USP9Y: variants seen among roughly 807,000 people sequenced by gnomAD.
USP9Y encodes the protein ubiquitin specific peptidase 9 Y-linked.
In USP9Y, 41 loss-of-function variants were observed where a neutral mutation model predicts 53.1. The ratio of observed to expected loss-of-function variants is 0.77; its 90% CI spans 0.60 to 1.00. USP9Y has a LOEUF of 1.00. Among genes scored for constraint, USP9Y ranks in the 50% least tolerant of loss-of-function variants. USP9Y has a pLI of 0.00. For synonymous variants in USP9Y, 220 were observed against 173.7 expected (o/e 1.27, Z -2.09); for missense variants, 567 against 535.8 (o/e 1.06, Z -0.58).
chrY:12,730,376 T>C (rs2053446208), intron 7 of USP9Y, among the ~76,000 whole-genome samples: 1 of 33,296 alleles, frequency 3.0e-5, no homozygotes, highest in Non-Finnish European at 7.4e-5. Flanking sequence ...TTTATGATCA[T>C]ATAACATCCT....
At chrY:12,802,573 C>T (rs781021995) in intron 27 of USP9Y, 2 of 33,535 alleles carry the variant, frequency 6.0e-5, no homozygotes, top group African/African-American at 2.3e-4. Flanking sequence ...GGGAGTTATT[C>T]TCTGTTGATC....
chrY:12,741,314 A>T, intron 12 of USP9Y, among the ~76,000 whole-genome samples: 1 of 33,678 alleles, frequency 3.0e-5, no homozygotes, highest in African/African-American at 1.2e-4. Flanking sequence ...TAAATCTGGC[A>T]GTTCTTACAC....
At chrY:12,820,197 T>C (rs2053540074) in intron 33 of USP9Y, among the ~76,000 whole-genome samples, 2 of 33,775 alleles carry the variant, frequency 5.9e-5, no homozygotes, top group Non-Finnish European at 1.5e-4. Context: ...AGGCCTACTT[T>C]GTGTTATACA....
intron 32 of USP9Y, 23 bp from the exon 33 acceptor site, chrY:12,818,397 C>T: frequency 2.6e-6 from 1 of 380,647 alleles, no homozygotes; most frequent in Non-Finnish European, 3.7e-6. Flanking sequence ...ATTAGCTCAT[C>T]AATAATGTCT....
intron 1 of USP9Y, among the ~76,000 whole-genome samples, chrY:12,703,171 TGCCTCAGCCTCCTGAGGAGC>T (rs2053417422): frequency 3.0e-5 from 1 of 32,966 alleles, no homozygotes; most frequent in Non-Finnish European, 7.4e-5. Context: ...GCCATTATCC[TGCCTCAGCCTCCTGAGGAGC>T]TGGGACTACA....
intron 27 of USP9Y, chrY:12,802,013 A>T (rs2053519675): frequency 2.9e-5 from 1 of 34,209 alleles, no homozygotes; most frequent in Non-Finnish European, 7.3e-5. Context: ...CTTTTAACAC[A>T]GATTCTATCC....
chrY:12,711,786 A>G, intron 3 of USP9Y, among the ~76,000 whole-genome samples: 1 of 31,758 alleles, frequency 3.1e-5, no homozygotes, highest in African/African-American at 1.2e-4. Context: ...GTGCGACACC[A>G]CACCTAATTT....
At chrY:12,833,570 T>C in intron 33 of USP9Y, 118 bp from the exon 34 acceptor site, 1 of 231,497 alleles carries the variant, frequency 4.3e-6, no homozygotes, top group Non-Finnish European at 7.3e-6. Context: ...TGTGCGTTTC[T>C]CCTTTCTATG....
At chrY:12,750,978 CTATTTTT>C (rs2053463788) in intron 12 of USP9Y, among the ~76,000 whole-genome samples, 6 of 31,863 alleles carry the variant, frequency 1.9e-4, no homozygotes, top group Non-Finnish European at 3.8e-4. Context: ...GGTATTGACA[CTATTTTT>C]TATTTTTTAT....
chrY:12,855,963 AAAAG>A (rs2053575800), intron 42 of USP9Y, among the ~76,000 whole-genome samples: 1 of 32,262 alleles, frequency 3.1e-5, no homozygotes, highest in African/African-American at 1.2e-4. Flanking sequence ...TCTTAAAAAA[AAAAG>A]AAAGAAAGAA....
intron 33 of USP9Y, among the ~76,000 whole-genome samples, chrY:12,833,239 G>A (rs1005550847): frequency 9.1e-5 from 3 of 32,911 alleles, no homozygotes; most frequent in Non-Finnish European, 2.2e-4. Context: ...ACTCTAGAAC[G>A]GGGAAACCTT....
At chrY:12,766,983 A>G in intron 15 of USP9Y, among the ~76,000 whole-genome samples, 1 of 33,584 alleles carries the variant, frequency 3.0e-5, no homozygotes. Flanking sequence ...GAGAAAATGT[A>G]CGCAGACACA....
At chrY:12,744,450 A>G in intron 12 of USP9Y, among the ~76,000 whole-genome samples, 2 of 33,852 alleles carry the variant, frequency 5.9e-5, no homozygotes, top group African/African-American at 2.3e-4. Flanking sequence ...ACCTATGTGC[A>G]GGTGCAGCCT....
At chrY:12,769,041 G>GA (rs370013465) in intron 15 of USP9Y, among the ~76,000 whole-genome samples, 6 of 29,659 alleles carry the variant, frequency 2.0e-4, no homozygotes, top group African/African-American at 5.2e-4. Context: ...TCCCCCTCAA[G>GA]AAAAAAAAAA....
At chrY:12,756,423 G>T (rs961378387) in intron 12 of USP9Y, among the ~76,000 whole-genome samples, 2 of 32,740 alleles carry the variant, frequency 6.1e-5, no homozygotes, top group Admixed American at 5.6e-4. Flanking sequence ...ACTAATGTTG[G>T]CAGGTTGCTA....
At chrY:12,761,813 G>T in intron 15 of USP9Y, among the ~76,000 whole-genome samples, 1 of 33,997 alleles carries the variant, frequency 2.9e-5, no homozygotes, top group African/African-American at 1.1e-4. Context: ...TGTTTGAAAA[G>T]CATAGTAGAG....
intron 40 of USP9Y, 31 bp from the exon 41 acceptor site, chrY:12,846,902 T>C: frequency 3.2e-6 from 1 of 316,610 alleles, no homozygotes; most frequent in Non-Finnish European, 4.8e-6. Context: ...GGAATTCTAT[T>C]GGTTTTTCAT....
chrY:12,717,874 G>A (rs2053432384), intron 3 of USP9Y, among the ~76,000 whole-genome samples: 1 of 32,824 alleles, frequency 3.0e-5, no homozygotes, highest in African/African-American at 1.2e-4. Flanking sequence ...CTTCTATTTT[G>A]TTCTTCCTTT....
intron 20 of USP9Y, among the ~76,000 whole-genome samples, 164 bp downstream of exon 20, chrY:12,778,423 A>G: frequency 3.0e-5 from 1 of 33,192 alleles, no homozygotes; most frequent in African/African-American, 1.2e-4. Flanking sequence ...ATCACCTTGA[A>G]TAAGATAGAT....
Sources: allele counts gnomAD v4.1 joint callset (sites outside exome capture counted in the v4.1 genomes callset), GRCh38; gene constraint gnomAD v4.1.1; transcripts MANE v1.5; gene names NCBI Gene and HGNC (gene_info 2026-07-23, HGNC 2026-07-21).